Variants in COLEC12 observed in about 807,000 individuals in gnomAD.
The protein encoded by COLEC12 is collectin-12.
COLEC12 carries 33 observed loss-of-function variants against 71.1 expected under a neutral mutation model. That is an observed-to-expected ratio of 0.46 (90% CI 0.35 to 0.62). COLEC12 has a LOEUF of 0.62. Among genes scored for constraint, COLEC12 ranks in the 20% least tolerant of loss-of-function variants. The pLI, the probability that COLEC12 is intolerant of heterozygous loss-of-function variation, is 0.00. For missense variants in COLEC12, 765 were observed against 916.1 expected (o/e 0.84, Z 2.13); for synonymous variants, 350 against 353.0 (o/e 0.99, Z 0.10).
chr18:415,422 C>T (rs1205937959), intron 2 of COLEC12, among the ~76,000 whole-genome samples: 1 of 152,016 alleles, frequency 6.6e-6, no homozygotes, highest in African/African-American at 2.4e-5. Flanking sequence ...TAACTCCATC[C>T]CAGATATAAA....
At chr18:348,203 T>C (rs771763484) in intron 3 of COLEC12, 40 bp from the exon 4 acceptor site, 83 of 1,219,454 alleles carry the variant, frequency 6.8e-5, no homozygotes, top group Non-Finnish European at 9.4e-5. Context: ...ACATATCTGC[T>C]CATATTTTAT....
intron 2 of COLEC12, among the ~76,000 whole-genome samples, chr18:378,017 C>T (rs1442575946): frequency 6.6e-6 from 1 of 152,160 alleles, no homozygotes; most frequent in East Asian, 1.9e-4. Flanking sequence ...GAATTGTGCA[C>T]ATCTTCAGCC....
At chr18:384,647 G>A (rs188917383) in intron 2 of COLEC12, among the ~76,000 whole-genome samples, 17 of 152,274 alleles carry the variant, frequency 1.1e-4, no homozygotes, top group African/African-American at 3.4e-4. Flanking sequence ...GTGAAACCCC[G>A]TTGGTCAGAG....
intron 2 of COLEC12, among the ~76,000 whole-genome samples, chr18:420,689 T>C (rs1021300936): frequency 6.6e-6 from 1 of 152,220 alleles, no homozygotes; most frequent in African/African-American, 2.4e-5. Flanking sequence ...AAGATTCGAA[T>C]GTTAAACTCA....
chr18:346,904 C>T lies in COLEC12; in HGVS notation c.718G>A (p.Asp240Asn), dbSNP rs200007632. Reference protein sequence around the residue: ...TSQAIQRIKNDFQNLQQVFLQ... With the variant: ...TSQAIQRIKNNFQNLQQVFLQ... ...AAAACCTGCTGCAGATTTTGAAAGT[C>T]GTTCTTGATTCGCTGGATAGCCTGG... is the stretch of plus-strand genomic sequence containing the variant. Residue 240 changes from aspartate (D) to asparagine (N), a missense_variant, in exon 5 of 10, where the codon GAC becomes AAC. By Grantham distance (23) the Asp-to-Asn change is conservative (BLOSUM62 1). Coordinates refer to ENST00000400256, the MANE Select transcript of COLEC12 (RefSeq NM_130386.3). The surrounding 1 kb of genome is among the most constrained non-coding windows in gnomAD (Gnocchi z 4.0). 14 of 1,614,148 alleles carry T rather than the reference C, an allele frequency of 8.7e-6. No homozygotes were observed. The highest frequency in any genetic ancestry group is 1.6e-4 in the Middle Eastern group (1 of 6,062).
chr18:322,550 A>G (rs529089530), intron 8 of COLEC12, among the ~76,000 whole-genome samples: 117 of 152,290 alleles, frequency 7.7e-4, no homozygotes, highest in African/African-American at 2.7e-3. Context: ...TGCCATGGAT[A>G]ACAGTTCTTG....
intron 2 of COLEC12, among the ~76,000 whole-genome samples, chr18:478,220 G>A (rs2036829405): frequency 6.6e-6 from 1 of 152,154 alleles, no homozygotes; most frequent in Non-Finnish European, 1.5e-5. Context: ...AGAGTTAGAA[G>A]ATCCAGAATC....
rs750057361 is a variant in COLEC12 at position 346,599 on chromosome 18, C to T, written c.1023G>A (p.Thr341=). The T allele has an allele frequency of 8.7e-6, 14 of 1,614,078 alleles. No individual in the cohort carries two copies. The highest frequency in any genetic ancestry group is 2.2e-5 in the South Asian group (2 of 91,086). Reference sequence around the variant, plus strand: ...TATTGCTAATGATGTTCACAATATCCGTCTCAAAGAGCTGGAAGCGTTCCT... The same window carrying T: ...TATTGCTAATGATGTTCACAATATCTGTCTCAAAGAGCTGGAAGCGTTCCT... ...QLEERFQLFE[T]DIVNIISNIS... Residue 341 remains threonine (T), a synonymous_variant, in exon 5 of 10, where the codon ACG becomes ACA. Transcript: ENST00000400256. This position sits in a 1 kb window ranked among gnomAD's most constrained non-coding sequence, Gnocchi z 4.0.
intron 2 of COLEC12, among the ~76,000 whole-genome samples, chr18:470,398 AT>A (rs933070443): frequency 4.9e-4 from 73 of 147,848 alleles, no homozygotes; most frequent in Non-Finnish European, 9.0e-4. Context: ...TGCCCGGCTA[AT>A]TTTTTTTTTG....
chr18:405,899 G>A (rs138793103), intron 2 of COLEC12, among the ~76,000 whole-genome samples: 1 of 152,150 alleles, frequency 6.6e-6, no homozygotes, highest in East Asian at 1.9e-4. Flanking sequence ...GGTAAAATGA[G>A]GCTGAGACCT....
intron 5 of COLEC12, among the ~76,000 whole-genome samples, chr18:342,802 GAAC>G (rs1400410000): frequency 6.6e-6 from 1 of 152,198 alleles, no homozygotes; most frequent in South Asian, 2.1e-4. Flanking sequence ...AAAGTGCAGT[GAAC>G]AACAAGACCA....
chr18:456,885 G>A (rs916028055), intron 2 of COLEC12, among the ~76,000 whole-genome samples: 1 of 152,180 alleles, frequency 6.6e-6, no homozygotes, highest in South Asian at 2.1e-4. Context: ...GGAAGAGCCA[G>A]GCAGGAATGC....
chr18:441,118 G>T (rs55803179), intron 2 of COLEC12, among the ~76,000 whole-genome samples: 113,491 of 126,630 alleles, frequency 0.9, 51,474 homozygotes, highest in East Asian at 1. Context: ...CGTGGTGGCG[G>T]GCGCCTGTAG....
chr18:420,767 T>C (rs534201044), intron 2 of COLEC12, among the ~76,000 whole-genome samples: 3 of 152,224 alleles, frequency 2.0e-5, no homozygotes, highest in Non-Finnish European at 4.4e-5. Context: ...AAAAAACCCT[T>C]TCAGGCTGGG....
In COLEC12 at chr18:334,743, A is replaced by C; in HGVS notation, c.1815T>G (p.Asn605Lys). ...GCTGGAGGGAGGGCTTGGACTTACC[A>C]TTGTCCTCCGGTGCTGGGGTTGGCT... ...QNEPTPAPEDNGCPPHWKNFT... is the reference protein window; with the variant it reads ...QNEPTPAPEDKGCPPHWKNFT... The change falls in exon 6 of 10, where the codon AAT becomes AAG. Residue 605 changes from asparagine (N) to lysine (K), a missense_variant and splice_region_variant. Physicochemically the swap from Asn to Lys is moderately conservative, Grantham distance 94. Transcript: ENST00000400256. The C allele has an allele frequency of 6.8e-7, 1 of 1,467,196 alleles. No homozygotes were observed. The allele number at this position is 1,467,196 out of a possible 1,614,324, so 90.9% of individuals were successfully genotyped here.
chr18:415,099 A>G, intron 2 of COLEC12, among the ~76,000 whole-genome samples: 1 of 152,250 alleles, frequency 6.6e-6, no homozygotes, highest in Non-Finnish European at 1.5e-5. Context: ...TGTCACCAGC[A>G]TTACATACAC....
intron 1 of COLEC12, among the ~76,000 whole-genome samples, chr18:482,159 A>T (rs1186140080): frequency 1.3e-5 from 2 of 149,154 alleles, no homozygotes; most frequent in Non-Finnish European, 3.0e-5. Flanking sequence ...TCTGTTGCTC[A>T]GGCTGAAGTG....
At chr18:457,219 G>T (rs973711472) in intron 2 of COLEC12, among the ~76,000 whole-genome samples, 5 of 152,182 alleles carry the variant, frequency 3.3e-5, no homozygotes, top group African/African-American at 1.2e-4. Context: ...GATTATGGAC[G>T]CGAGCCGTGT....
At position 334,784 on chromosome 18, in the gene COLEC12, G is replaced by C; in HGVS notation, c.1774C>G (p.Leu592Val). Reference sequence around the variant, plus strand: ...GGGGTTGGCTCATTCTGCAGGGCCAGGGGCACCACCGCTCCTGATGGGCCA... The same window carrying C: ...GGGGTTGGCTCATTCTGCAGGGCCACGGGCACCACCGCTCCTGATGGGCCA... The part of the protein sequence containing the change: ...PPGPSGAVVP[L>V]ALQNEPTPAP... Residue 592 changes from leucine (L) to valine (V), a missense_variant, in exon 6 of 10, where the codon CTG (leucine) becomes GTG (valine). By Grantham distance (32) the Leu-to-Val change is conservative (BLOSUM62 1). Transcript: ENST00000400256. 6.7e-7 allele frequency: 1 copy of C among 1,491,038 alleles called. No homozygotes were observed. The highest frequency in any genetic ancestry group is 1.5e-5 in the African/African-American group (1 of 68,786). The allele number at this position is 1,491,038 out of a possible 1,614,324, so 92.4% of individuals were successfully genotyped here.
Sources: gnomAD v4.1 joint callset for allele counts (sites outside exome capture counted in the v4.1 genomes callset) on GRCh38, gnomAD v4.1.1 for gene constraint, Gnocchi (gnomAD v3.1) non-coding constraint, MANE v1.5 for transcripts, NCBI Gene and HGNC (gene_info 2026-07-23, HGNC 2026-07-21) for gene names.